Variants in PIK3C2A observed in about 807,000 individuals in gnomAD.
PIK3C2A encodes the protein phosphatidylinositol 4-phosphate 3-kinase C2 domain-containing subunit alpha.
Under a neutral mutation model 204.5 loss-of-function variants are expected in PIK3C2A, and 97 were observed. That is an observed-to-expected ratio of 0.47 (90% CI 0.40 to 0.56). The LOEUF is 0.56. Ranked by LOEUF, PIK3C2A falls within the 20% of genes least tolerant of loss-of-function variation. The pLI, the probability that PIK3C2A is intolerant of heterozygous loss-of-function variation, is 0.00. For synonymous variants in PIK3C2A, 653 were observed against 664.4 expected (o/e 0.98, Z 0.26); for missense variants, 1,735 against 1,969.2 (o/e 0.88, Z 2.25).
chr11:17,181,342 T>C (rs1412908137), intron 1 of PIK3C2A, among the ~76,000 whole-genome samples: 1 of 103,580 alleles, frequency 9.7e-6, no homozygotes, highest in Non-Finnish European at 2.0e-5. Flanking sequence ...TCACCAATCA[T>C]CTGATTTTTT....
At chr11:17,114,112 T>TAAATAAATAAATAAATAAAA (rs1432960018) in intron 20 of PIK3C2A, among the ~76,000 whole-genome samples, 8 of 151,140 alleles carry the variant, frequency 5.3e-5, no homozygotes, top group Middle Eastern at 3.4e-3. Context: ...AATAAATAAA[T>TAAATAAATAAATAAATAAAA]AAAAAGGTGA....
intron 2 of PIK3C2A, among the ~76,000 whole-genome samples, chr11:17,158,406 T>C (rs2137456959): frequency 6.7e-6 from 1 of 149,748 alleles, no homozygotes; most frequent in South Asian, 2.1e-4. Context: ...TCTACAGGCA[T>C]TCATTTATAT....
At chr11:17,147,790 C>G (rs567083696) in intron 5 of PIK3C2A, among the ~76,000 whole-genome samples, 162 bp from the exon 6 acceptor site, 7 of 151,622 alleles carry the variant, frequency 4.6e-5, no homozygotes, top group Non-Finnish European at 8.8e-5. Flanking sequence ...TTATTCTGTA[C>G]GAGAAGAGTC....
At chr11:17,151,710 T>A (rs971398435) in intron 3 of PIK3C2A, among the ~76,000 whole-genome samples, 1 of 152,208 alleles carries the variant, frequency 6.6e-6, no homozygotes. Context: ...GTGAGAATTA[T>A]GTGAATTTAG....
chr11:17,148,729 C>T lies in PIK3C2A; in HGVS notation c.1386G>A (p.Leu462=), dbSNP rs750722743. 8.1e-6 allele frequency: 13 copies of T among 1,611,742 alleles called. No homozygotes were observed. Among genetic ancestry groups the T allele is most frequent in the East Asian group, 4.5e-5 (2 of 44,784 alleles). ...CATAGCTGCCAACATCTACTTGATTCAAGTCATCATGTACCCAGCAAAGGG... is the reference window on the plus strand; with the variant it reads ...CATAGCTGCCAACATCTACTTGATTTAAGTCATCATGTACCCAGCAAAGGG... ...MQALCWVHDD[L]NQVDVGSYVL... The change falls in exon 5 of 33, where the codon TTG becomes TTA. Residue 462 remains leucine, a synonymous_variant. Transcript: ENST00000691414.
At chr11:17,110,300 A>G (rs937606517) in intron 22 of PIK3C2A, 132 bp downstream of exon 22, 4 of 636,924 alleles carry the variant, frequency 6.3e-6, no homozygotes, top group Non-Finnish European at 1.0e-5. Flanking sequence ...CTGAATCAAT[A>G]AAGTAACACT....
intron 28 of PIK3C2A, among the ~76,000 whole-genome samples, chr11:17,092,662 C>T (rs775661475): frequency 6.6e-6 from 1 of 152,208 alleles, no homozygotes; most frequent in Middle Eastern, 3.4e-3. Context: ...AGCAAGTCTC[C>T]GTCTCAAAAT....
At chr11:17,122,004 C>T (rs760487973) in intron 15 of PIK3C2A, among the ~76,000 whole-genome samples, 184 bp downstream of exon 15, 2 of 145,540 alleles carry the variant, frequency 1.4e-5, no homozygotes, top group Non-Finnish European at 3.0e-5. Context: ...AGCTGGCCCT[C>T]GAGACAAAAG....
At chr11:17,179,457 T>G (rs1851458962) in intron 1 of PIK3C2A, among the ~76,000 whole-genome samples, 1 of 152,108 alleles carries the variant, frequency 6.6e-6, no homozygotes, top group Admixed American at 6.5e-5. Flanking sequence ...CCATTGTACC[T>G]GGCCAACCTA....
intron 1 of PIK3C2A, among the ~76,000 whole-genome samples, chr11:17,170,783 C>A (rs1373942240): frequency 6.6e-6 from 1 of 152,078 alleles, no homozygotes; most frequent in African/African-American, 2.4e-5. Flanking sequence ...AATATGGATT[C>A]TGGAGTCACA....
chr11:17,167,968 C>A (rs4756885), intron 2 of PIK3C2A, among the ~76,000 whole-genome samples: 22 of 150,944 alleles, frequency 1.5e-4, no homozygotes, highest in Admixed American at 4.0e-4. Flanking sequence ...AAACAAAATG[C>A]GTGAGAATTT....
In PIK3C2A at chr11:17,188,924, C is replaced by G. The variant is rs1229857807; in HGVS notation, c.-66+18924G>C. ...CAGGCCTTCACAGAATGTAAAACAG[C>G]TGCCCTCCTGAGGCAAGGGTAAGAG... is the stretch of plus-strand genomic sequence containing the variant. On this transcript the variant is annotated intron_variant, in intron 1 of 32. Transcript: ENST00000691414. Among the ~76,000 whole-genome samples, 3 of 146,990 alleles carry G rather than the reference C, an allele frequency of 2.0e-5. No homozygotes were observed. In the East Asian group the frequency reaches 5.8e-4, roughly 28 times the overall value.
chr11:17,147,483 A>T, intron 6 of PIK3C2A, 34 bp downstream of exon 6: 1 of 1,152,454 alleles, frequency 8.7e-7, no homozygotes, highest in Non-Finnish European at 1.3e-6. Context: ...TCAGATTCAA[A>T]CAAATGGAAT....
intron 1 of PIK3C2A, among the ~76,000 whole-genome samples, chr11:17,173,228 A>C (rs768976450): frequency 1.6e-4 from 25 of 152,230 alleles, no homozygotes; most frequent in Non-Finnish European, 1.6e-4. Context: ...CATTTTGGAG[A>C]CTGATCTCCC....
At chr11:17,199,818 G>A (rs571377315) in intron 1 of PIK3C2A, among the ~76,000 whole-genome samples, 2 of 150,892 alleles carry the variant, frequency 1.3e-5, no homozygotes, top group African/African-American at 4.9e-5. Flanking sequence ...CCAGCTACTC[G>A]GGAGGCTGAG....
intron 1 of PIK3C2A, among the ~76,000 whole-genome samples, chr11:17,198,731 A>G (rs1483313880): frequency 6.6e-6 from 1 of 152,012 alleles, no homozygotes; most frequent in Non-Finnish European, 1.5e-5. Flanking sequence ...GGTCAAGGCT[A>G]TACTGCATTA....
At position 17,168,753 on chromosome 11, in the gene PIK3C2A, A is replaced by G; in HGVS notation, c.989T>C (p.Val330Ala). 6.2e-7 allele frequency: 1 copy of G among 1,613,672 alleles called. No individual in the cohort carries two copies. The highest frequency in any genetic ancestry group is 1.1e-5 in the South Asian group (1 of 90,954). Residue 330 changes from valine (V) to alanine (A), a missense_variant, in exon 2 of 33, where the codon GTG becomes GCG. Physicochemically the swap from Val to Ala is moderately conservative, Grantham distance 64. This residue lies in a region of PIK3C2A where 536 missense variants were observed against 546.7 expected (regional missense o/e 0.98). Coordinates refer to ENST00000691414, the MANE Select transcript of PIK3C2A (RefSeq NM_002645.4). ...ERKVNGKSLS[V>A]ATVTRSQSLN... ...AGACTGGCTTCTTGTAACAGTTGCC[A>G]CAGAAAGGGATTTTCCATTCACCTT...
chr11:17,136,394 G>A, intron 9 of PIK3C2A, 88 bp downstream of exon 9: 2 of 978,304 alleles, frequency 2.0e-6, no homozygotes, highest in Non-Finnish European at 3.2e-6. Context: ...AAGTTAAAAT[G>A]ACAATATTTT....
chr11:17,125,304 G>T (rs1247703264), intron 13 of PIK3C2A, among the ~76,000 whole-genome samples: 1 of 151,776 alleles, frequency 6.6e-6, no homozygotes, highest in Admixed American at 6.6e-5. Context: ...AAACTGAGGG[G>T]GACAACTGGC....
Sources: allele counts gnomAD v4.1 joint callset (sites outside exome capture counted in the v4.1 genomes callset), GRCh38; gene constraint gnomAD v4.1.1; regional missense constraint gnomAD v4.1.1; transcripts MANE v1.5; gene names NCBI Gene and HGNC (gene_info 2026-07-23, HGNC 2026-07-21).